RTTN: variants seen among roughly 807,000 people sequenced by gnomAD.
RTTN encodes rotatin.
Under a neutral mutation model 269.2 loss-of-function variants are expected in RTTN, and 182 were observed. The observed-to-expected ratio is 0.68, with a 90% CI of 0.60 to 0.76. RTTN has a LOEUF of 0.76. RTTN is among the 30% of genes least tolerant of loss of function. The pLI is 0.00. For synonymous variants in RTTN, 1,006 were observed against 963.5 expected (o/e 1.04, Z -0.82); for missense variants, 2,545 against 2,608.6 (o/e 0.98, Z 0.53).
chr18:70,200,187 A>G (rs1015259380), intron 4 of RTTN, among the ~76,000 whole-genome samples: 1 of 152,240 alleles, frequency 6.6e-6, no homozygotes, highest in Non-Finnish European at 1.5e-5. Context: ...AGAGCATGGA[A>G]TCGCTAAATG....
intron 38 of RTTN, among the ~76,000 whole-genome samples, chr18:70,053,882 A>G (rs2057742259): frequency 6.6e-6 from 1 of 152,226 alleles, no homozygotes; most frequent in South Asian, 2.1e-4. Flanking sequence ...TGTACTTTCT[A>G]ACATCACACA....
In RTTN at chr18:70,156,794, G is replaced by A. The variant is rs921365167; in HGVS notation, c.1930-6061C>T. On this transcript the variant is annotated intron_variant, in intron 14 of 48. Coordinates refer to ENST00000640769, the MANE Select transcript of RTTN (RefSeq NM_173630.4). ...ACTATTGGGGCAGGTTCCCTGATAG[G>A]TGCCCATCACCCAAATCTTGATATA... is the stretch of plus-strand genomic sequence containing the variant. 5.3e-5 allele frequency among the ~76,000 whole-genome samples: 8 copies of A among 152,228 alleles called. No homozygotes were observed. The East Asian group carries it at 1.4e-3, about 26-fold the overall frequency.
chr18:70,193,783 A>C (rs2061738238), intron 7 of RTTN, among the ~76,000 whole-genome samples: 1 of 152,230 alleles, frequency 6.6e-6, no homozygotes, highest in Admixed American at 6.5e-5. Context: ...TGTACATAAA[A>C]ATTAATTCAA....
chr18:70,049,069 A>AT (rs1409936344), intron 39 of RTTN, among the ~76,000 whole-genome samples: 1 of 152,218 alleles, frequency 6.6e-6, no homozygotes, highest in Non-Finnish European at 1.5e-5. Context: ...ATAGTGTTAG[A>AT]TAAATAAGTT....
intron 31 of RTTN, 60 bp downstream of exon 31, chr18:70,087,929 C>A: frequency 6.4e-7 from 1 of 1,556,304 alleles, no homozygotes; most frequent in Non-Finnish European, 8.8e-7. Flanking sequence ...AGTCAAGTAT[C>A]GCTTACGGAT....
intron 35 of RTTN, among the ~76,000 whole-genome samples, chr18:70,060,786 A>G (rs2057960559): frequency 6.7e-6 from 1 of 150,184 alleles, no homozygotes; most frequent in Non-Finnish European, 1.5e-5. Flanking sequence ...GGTAACCCTC[A>G]TTCTACTCTC....
intron 28 of RTTN, 92 bp downstream of exon 28, chr18:70,109,406 C>T: frequency 3.5e-6 from 3 of 864,292 alleles, no homozygotes; most frequent in Admixed American, 4.0e-5. Flanking sequence ...TAATATTCTA[C>T]ATTGAATAGA....
At chr18:70,067,103 T>C (rs2058156017) in intron 34 of RTTN, among the ~76,000 whole-genome samples, 1 of 151,760 alleles carries the variant, frequency 6.6e-6, no homozygotes, top group Admixed American at 6.6e-5. Flanking sequence ...AAACATCAAA[T>C]GCCTTATTTT....
chr18:70,105,964 T>TG (rs1383681120), intron 28 of RTTN, among the ~76,000 whole-genome samples: 2 of 152,170 alleles, frequency 1.3e-5, no homozygotes, highest in African/African-American at 4.8e-5. Context: ...GTAAAAACCA[T>TG]GGTGCTAGGT....
chr18:70,063,965 CTTTTTT>C (rs35413593), intron 35 of RTTN, among the ~76,000 whole-genome samples: 52 of 131,186 alleles, frequency 4.0e-4, no homozygotes, highest in African/African-American at 1.5e-3. Flanking sequence ...CTTTTATATG[CTTTTTT>C]TTTTTTTTTT....
chr18:70,066,584 A>G (rs1327364293), intron 34 of RTTN, among the ~76,000 whole-genome samples: 1 of 152,224 alleles, frequency 6.6e-6, no homozygotes, highest in Non-Finnish European at 1.5e-5. Flanking sequence ...TTAGTTGAAA[A>G]ACACTTATGT....
chr18:70,059,703 G>T, intron 36 of RTTN, 147 bp downstream of exon 36: 1 of 485,464 alleles, frequency 2.1e-6, no homozygotes, highest in Non-Finnish European at 3.4e-6. Flanking sequence ...GACAATTCTG[G>T]CAAAAGCAAA....
chr18:70,070,511 C>T (rs2058267111), intron 34 of RTTN, among the ~76,000 whole-genome samples: 1 of 152,154 alleles, frequency 6.6e-6, no homozygotes, highest in Non-Finnish European at 1.5e-5. Context: ...TCTACTCTTC[C>T]TTCTATAAAA....
chr18:70,184,716 T>TTTTTTTTGTG (rs59000945), intron 10 of RTTN, among the ~76,000 whole-genome samples: 28 of 33,450 alleles, frequency 8.4e-4, no homozygotes, highest in East Asian at 1.6e-3. Flanking sequence ...TTTTTTTTTT[T>TTTTTTTTGTG]TGTGTGTGTG....
At chr18:70,024,639 T>C in intron 44 of RTTN, 83 bp downstream of exon 44, 2 of 1,246,306 alleles carry the variant, frequency 1.6e-6, no homozygotes, top group South Asian at 1.4e-5. Context: ...AAAATATGTA[T>C]TAGTTTTTCC....
chr18:70,191,497 T>G (rs753958136), intron 8 of RTTN, among the ~76,000 whole-genome samples: 2 of 152,202 alleles, frequency 1.3e-5, no homozygotes, highest in African/African-American at 2.4e-5. Flanking sequence ...GGAAATGTAT[T>G]ACTTCACTTA....
intron 14 of RTTN, among the ~76,000 whole-genome samples, chr18:70,151,526 T>C (rs1201796196): frequency 6.6e-6 from 1 of 152,132 alleles, no homozygotes; most frequent in Non-Finnish European, 1.5e-5. Flanking sequence ...CTACTTCCTA[T>C]TATCAACAAT....
Position 70,145,751 on chromosome 18 carries a change from A to G in RTTN, c.2342T>C (p.Phe781Ser). The change falls in exon 18 of 49, where the codon TTC becomes TCC. Residue 781 changes from phenylalanine to serine, a missense_variant. Transcript: ENST00000640769. The stretch of plus-strand genomic sequence containing the variant: ...AGCCCCTTCTTCACTGGTAAGATGG[A>G]ATGCTAAAAGCTTTAATGCTAGCGA... ...VRSLALKLLA[F>S]HLTSEEGADT... The G allele has an allele frequency of 6.2e-7, 1 of 1,612,854 alleles. No homozygotes were observed. Among genetic ancestry groups the G allele is most frequent in the Non-Finnish European group, 8.5e-7 (1 of 1,179,508 alleles).
intron 10 of RTTN, among the ~76,000 whole-genome samples, chr18:70,178,534 T>C (rs777789576): frequency 8.5e-5 from 13 of 152,100 alleles, no homozygotes; most frequent in Non-Finnish European, 8.8e-5. Context: ...CAAAATGATC[T>C]ACATAAGCAA....
Sources: gnomAD v4.1 joint callset for allele counts (sites outside exome capture counted in the v4.1 genomes callset) on GRCh38, gnomAD v4.1.1 for gene constraint, MANE v1.5 for transcripts, NCBI Gene and HGNC (gene_info 2026-07-23, HGNC 2026-07-21) for gene names.